MCTP1: variants seen among roughly 807,000 people sequenced by gnomAD.
The protein encoded by MCTP1 is multiple C2 and transmembrane domain-containing protein 1.
In MCTP1, 69 loss-of-function variants were observed where a neutral mutation model predicts 120.6. The ratio of observed to expected loss-of-function variants is 0.57; its 90% CI spans 0.47 to 0.70. MCTP1 has a LOEUF of 0.70. Among genes scored for constraint, MCTP1 ranks in the 30% least tolerant of loss-of-function variants. The pLI is 0.00. For synonymous variants in MCTP1, 529 were observed against 493.1 expected, an observed-to-expected ratio of 1.07 and a Z score of -0.96; for missense variants, 1,203 against 1,248.8, an observed-to-expected ratio of 0.96 and a Z score of 0.55.
intron 12 of MCTP1, among the ~76,000 whole-genome samples, chr5:94,881,431 G>C (rs188851176): frequency 1.1e-3 from 160 of 152,114 alleles, no homozygotes; most frequent in Non-Finnish European, 1.7e-3. Context: ...CTAAACCTTG[G>C]CCATTAACCC....
intron 10 of MCTP1, among the ~76,000 whole-genome samples, chr5:94,899,304 C>T (rs765225866): frequency 2.6e-5 from 4 of 152,238 alleles, no homozygotes; most frequent in Non-Finnish European, 5.9e-5. Context: ...GAGTCCTCAG[C>T]TGTTCGCTTT....
intron 1 of MCTP1, among the ~76,000 whole-genome samples, chr5:95,215,058 C>G (rs781692476): frequency 3.3e-5 from 5 of 152,140 alleles, no homozygotes; most frequent in African/African-American, 4.8e-5. Flanking sequence ...AAAGTCTTAT[C>G]TCCTAATTGT....
rs1754023548 is a variant in MCTP1 at position 94,704,095 on chromosome 5, TACC to T, written c.*3398_*3400del. On this transcript the variant is annotated 3_prime_UTR_variant, in exon 23 of 23. Transcript: ENST00000515393. ...AATGACACTATTGTAAGAAAGAATT[TACC>T]ACATTATTTTCTATGTGGTTTTAAT... 1.3e-5 allele frequency: 2 copies of T among 151,536 alleles called. No homozygotes were observed. Among genetic ancestry groups the T allele is most frequent in the South Asian group, 4.2e-4 (2 of 4,806 alleles). 9.4% of individuals were successfully genotyped at this position (151,536 alleles called of 1,614,324 possible).
chr5:94,897,050 C>CT (rs899097475), intron 10 of MCTP1, among the ~76,000 whole-genome samples: 6 of 151,804 alleles, frequency 4.0e-5, no homozygotes, highest in African/African-American at 1.2e-4. Flanking sequence ...AATATCTGGA[C>CT]TTTTTTTTAA....
intron 2 of MCTP1, among the ~76,000 whole-genome samples, chr5:94,978,492 G>T (rs1447556810): frequency 1.3e-5 from 2 of 151,700 alleles, no homozygotes; most frequent in Non-Finnish European, 2.9e-5. Context: ...AGAAGATGTG[G>T]TATATATATA....
chr5:95,281,520 A>G lies in MCTP1; in HGVS notation c.720+2336T>C, dbSNP rs561039465. 3.3e-5 allele frequency among the ~76,000 whole-genome samples: 5 copies of G among 152,358 alleles called. No homozygotes were observed. The South Asian group carries it at 8.3e-4, about 25-fold the overall frequency. On this transcript the variant is annotated intron_variant, in intron 1 of 22. Transcript: ENST00000515393. ...TCCCAGAGAACAAGGCCCCATGAGCAGCAGACGCTAGGGACCAAAAATGGT... is the reference window on the plus strand; with the variant it reads ...TCCCAGAGAACAAGGCCCCATGAGCGGCAGACGCTAGGGACCAAAAATGGT...
chr5:95,110,148 G>A (rs1757351045), intron 1 of MCTP1, among the ~76,000 whole-genome samples: 1 of 152,074 alleles, frequency 6.6e-6, no homozygotes, highest in Non-Finnish European at 1.5e-5. Flanking sequence ...GATCTAGTGT[G>A]ATCAACTTTG....
intron 10 of MCTP1, among the ~76,000 whole-genome samples, 182 bp from the exon 11 acceptor site, chr5:94,895,017 G>C (rs111746032): frequency 2.0e-5 from 3 of 152,250 alleles, no homozygotes; most frequent in African/African-American, 7.2e-5. Context: ...CGTAGGGTCT[G>C]TAACTGTTTA....
intron 17 of MCTP1, among the ~76,000 whole-genome samples, chr5:94,814,150 C>T (rs1349148135): frequency 2.0e-5 from 3 of 152,110 alleles, no homozygotes; most frequent in African/African-American, 7.2e-5. Flanking sequence ...AATGTTATGA[C>T]ATATAAATTA....
chr5:95,199,361 A>G (rs1750745268), intron 1 of MCTP1, among the ~76,000 whole-genome samples: 1 of 152,222 alleles, frequency 6.6e-6, no homozygotes, highest in Admixed American at 6.5e-5. Flanking sequence ...TTAATATCCA[A>G]AATATATAAA....
At chr5:94,958,420 G>C (rs892450286) in intron 2 of MCTP1, among the ~76,000 whole-genome samples, 22 of 152,044 alleles carry the variant, frequency 1.4e-4, no homozygotes, top group Non-Finnish European at 2.8e-4. Flanking sequence ...ACTAAGATCA[G>C]AGCAGAACTG....
At chr5:95,106,471 T>C (rs1462842928) in intron 1 of MCTP1, among the ~76,000 whole-genome samples, 1 of 152,230 alleles carries the variant, frequency 6.6e-6, no homozygotes, top group Non-Finnish European at 1.5e-5. Context: ...GGGAGACCCT[T>C]GGATCCTGTT....
At chr5:94,839,690 T>G (rs1790580884) in intron 17 of MCTP1, among the ~76,000 whole-genome samples, 1 of 152,170 alleles carries the variant, frequency 6.6e-6, no homozygotes, top group Non-Finnish European at 1.5e-5. Flanking sequence ...TGATGAAGTA[T>G]CTGGGAAGCA....
intron 8 of MCTP1, among the ~76,000 whole-genome samples, chr5:94,914,534 A>G (rs1240107240): frequency 6.6e-6 from 1 of 152,216 alleles, no homozygotes; most frequent in Non-Finnish European, 1.5e-5. Flanking sequence ...TCAAAATCAC[A>G]TTGCATATTT....
chr5:94,775,463 T>C (rs1054493117), intron 19 of MCTP1, among the ~76,000 whole-genome samples: 4 of 152,212 alleles, frequency 2.6e-5, no homozygotes, highest in African/African-American at 9.6e-5. Context: ...TGATAGCTCC[T>C]CCTAGGTAAT....
At chr5:94,755,274 T>C (rs1353231660) in intron 19 of MCTP1, among the ~76,000 whole-genome samples, 1 of 152,126 alleles carries the variant, frequency 6.6e-6, no homozygotes, top group South Asian at 2.1e-4. Context: ...TGCCATCACT[T>C]CTGAGACCCT....
chr5:94,891,609 G>A lies in MCTP1; in HGVS notation c.1840-2637C>T, dbSNP rs192543798. Among the ~76,000 whole-genome samples the A allele has an allele frequency of 5.6e-3, 850 of 152,054 alleles. 8 individuals carry two copies. Among genetic ancestry groups the A allele is most frequent in the Non-Finnish European group, 5.6e-3 (378 of 67,996 alleles). On this transcript the variant is annotated intron_variant, in intron 11 of 22. Transcript: ENST00000515393. ...CAGACATATTGTCTTCAGGTGCTTC[G>A]GCTCTGATCCTCTGCTTCCCATTTG...
chr5:95,256,139 T>C (rs1582672540), intron 1 of MCTP1, among the ~76,000 whole-genome samples: 1 of 152,226 alleles, frequency 6.6e-6, no homozygotes, highest in Non-Finnish European at 1.5e-5. Context: ...CTTGATTTAC[T>C]CTTTGGTATT....
At chr5:95,263,669 G>A (rs1347359127) in intron 1 of MCTP1, among the ~76,000 whole-genome samples, 3 of 152,162 alleles carry the variant, frequency 2.0e-5, no homozygotes, top group African/African-American at 7.2e-5. Context: ...GGAGATGAAC[G>A]ACTATCAGAA....
Sources: gnomAD v4.1 joint callset for allele counts (sites outside exome capture counted in the v4.1 genomes callset) on GRCh38, gnomAD v4.1.1 for gene constraint, MANE v1.5 for transcripts, NCBI Gene and HGNC (gene_info 2026-07-23, HGNC 2026-07-21) for gene names.